MGA: variants seen among roughly 807,000 people sequenced by gnomAD.
MGA encodes MAX gene-associated protein.
A neutral mutation model predicts 261.1 loss-of-function variants in MGA; 40 were observed. The ratio of observed to expected loss-of-function variants is 0.15; its 90% confidence interval spans 0.12 to 0.20. MGA has a LOEUF of 0.20. MGA is among the 10% of genes least tolerant of loss of function. The pLI is 1.00. For synonymous variants in MGA, 1,302 were observed against 1,290.6 expected, an observed-to-expected ratio of 1.01 and a Z score of -0.19; for missense variants, 3,397 against 3,630.5, an observed-to-expected ratio of 0.94 and a Z score of 1.65.
At chr15:41,727,990 T>C (rs1429145068) in intron 10 of MGA, among the ~76,000 whole-genome samples, 1 of 152,204 alleles carries the variant, frequency 6.6e-6, no homozygotes, top group African/African-American at 2.4e-5. Flanking sequence ...ATGTTCTTTG[T>C]AGCAGAGCTA....
intron 11 of MGA, 111 bp from the exon 12 acceptor site, chr15:41,734,411 G>A (rs975256324): frequency 1.2e-6 from 1 of 826,316 alleles, no homozygotes; most frequent in Non-Finnish European, 1.9e-6. Flanking sequence ...TGACATTTCA[G>A]TCATTCTAAT....
At chr15:41,622,896 T>C (rs568322456) in intron 1 of MGA, among the ~76,000 whole-genome samples, 1 of 152,372 alleles carries the variant, frequency 6.6e-6, no homozygotes, top group African/African-American at 2.4e-5. Context: ...TTTTGATTTA[T>C]CTTAAAAAGA....
intron 9 of MGA, among the ~76,000 whole-genome samples, chr15:41,719,831 TA>T (rs575993846): frequency 9.8e-4 from 150 of 152,320 alleles, no homozygotes; most frequent in Non-Finnish European, 9.6e-4. Flanking sequence ...TATTAGTGAT[TA>T]GGGGTAGAAA....
chr15:41,718,576 GCTT>G (rs1161406295), intron 9 of MGA: 1 of 377,552 alleles, frequency 2.6e-6, no homozygotes, highest in Non-Finnish European at 5.1e-6. Context: ...TTCTGCAACT[GCTT>G]CTCGAAGTGA....
chr15:41,633,074 C>G (rs977719548), intron 1 of MGA, among the ~76,000 whole-genome samples: 1 of 151,784 alleles, frequency 6.6e-6, no homozygotes, highest in Non-Finnish European at 1.5e-5. Flanking sequence ...GCCTCAGCCT[C>G]CCGAGTAGCT....
At chr15:41,698,258 T>G (rs2059648626) in intron 3 of MGA, among the ~76,000 whole-genome samples, 1 of 150,542 alleles carries the variant, frequency 6.6e-6, no homozygotes, top group Non-Finnish European at 1.5e-5. Context: ...AACCTCTGTT[T>G]CCCGGGTTCA....
At position 41,715,370 on chromosome 15, in the gene MGA, G is replaced by A. The variant is rs557972313; in HGVS notation, c.3430+1874G>A. Among the ~76,000 whole-genome samples the A allele has an allele frequency of 2.2e-4, 33 of 151,802 alleles. No individual in the cohort carries two copies. In the East Asian group the frequency reaches 3.5e-3, roughly 16 times the overall value. ...TCACCATATTGGCCAGGCTGGTCTC[G>A]AACACCTGACTTTATGATCGGCCCA... On this transcript the variant is annotated intron_variant, in intron 9 of 23. Coordinates refer to ENST00000219905, the MANE Select transcript of MGA (RefSeq NM_001164273.2).
upstream of MGA, among the ~76,000 whole-genome samples, chr15:41,659,135 G>C (rs1373851503): frequency 6.6e-6 from 1 of 152,180 alleles, no homozygotes; most frequent in African/African-American, 2.4e-5. Flanking sequence ...GACCGTGCCT[G>C]ACTTGGGGTT....
intron 2 of MGA, among the ~76,000 whole-genome samples, chr15:41,672,364 A>G (rs796774308): frequency 6.6e-6 from 1 of 152,194 alleles, no homozygotes; most frequent in African/African-American, 2.4e-5. Context: ...CATGTTGCCC[A>G]GGCTGGTCTC....
At chr15:41,636,881 C>T (rs1349143533) in intron 1 of MGA, among the ~76,000 whole-genome samples, 1 of 152,062 alleles carries the variant, frequency 6.6e-6, no homozygotes, top group Non-Finnish European at 1.5e-5. Context: ...ATTTGAGCAT[C>T]CATGGATTTT....
At position 41,698,892 on chromosome 15, in the gene MGA, G is replaced by A; in HGVS notation, c.2043G>A (p.Gly681=). 1.3e-6 allele frequency: 2 copies of A among 1,549,104 alleles called. No homozygotes were observed. Among genetic ancestry groups the A allele is most frequent in the Non-Finnish European group, 1.7e-6 (2 of 1,146,586 alleles). Residue 681 remains glycine, a synonymous_variant, in exon 4 of 24, where the codon GGG becomes GGA. Coordinates refer to ENST00000219905, the MANE Select transcript of MGA (RefSeq NM_001164273.2). ...CTCTAGACATTCATGCAGTTGATGG[G>A]ACAACAGAAGAATCTTCTAGTCTCC... is the stretch of plus-strand genomic sequence containing the variant.
At chr15:41,628,543 G>A (rs2056513799) in intron 1 of MGA, among the ~76,000 whole-genome samples, 1 of 152,042 alleles carries the variant, frequency 6.6e-6, no homozygotes, top group Non-Finnish European at 1.5e-5. Context: ...GTGGAGAATT[G>A]GAAGTGGTGG....
chr15:41,722,452 G>C (rs143899018), intron 9 of MGA, among the ~76,000 whole-genome samples: 254 of 152,156 alleles, frequency 1.7e-3, no homozygotes, highest in African/African-American at 5.8e-3. Context: ...ATTAAGGTAT[G>C]ATATTTAGGT....
At chr15:41,636,013 C>T (rs969046070) in intron 1 of MGA, among the ~76,000 whole-genome samples, 1 of 152,184 alleles carries the variant, frequency 6.6e-6, no homozygotes, top group South Asian at 2.1e-4. Flanking sequence ...CAATAACATA[C>T]AGTACATAAT....
intron 2 of MGA, among the ~76,000 whole-genome samples, chr15:41,670,931 A>C (rs1185631292): frequency 6.6e-6 from 1 of 152,230 alleles, no homozygotes; most frequent in African/African-American, 2.4e-5. Flanking sequence ...CTCTGAATCC[A>C]TTTTGTGCCT....
intron 1 of MGA, among the ~76,000 whole-genome samples, chr15:41,629,123 AAAAG>A (rs1284779344): frequency 2.0e-5 from 3 of 151,930 alleles, no homozygotes; most frequent in South Asian, 2.1e-4. Context: ...AAAAAAAAAA[AAAAG>A]AAGCCATTGG....
At chr15:41,747,566 C>CAAAA (rs1203197778) in intron 15 of MGA, among the ~76,000 whole-genome samples, 1 of 117,746 alleles carries the variant, frequency 8.5e-6, no homozygotes, top group Non-Finnish European at 1.8e-5. Context: ...TCCATCTCCA[C>CAAAA]AAAAAAAAAA....
chr15:41,758,193 T>C (rs1871220043), intron 19 of MGA, among the ~76,000 whole-genome samples: 1 of 152,156 alleles, frequency 6.6e-6, no homozygotes, highest in Non-Finnish European at 1.5e-5. Flanking sequence ...TAAAAAACTA[T>C]GCTCTGCAAA....
chr15:41,633,834 A>G (rs540659088), intron 1 of MGA, among the ~76,000 whole-genome samples: 9 of 152,242 alleles, frequency 5.9e-5, no homozygotes, highest in East Asian at 5.8e-4. Context: ...GTGACTTCCT[A>G]TTTCTGGCAA....
Sources: gnomAD v4.1 joint callset for allele counts (sites outside exome capture counted in the v4.1 genomes callset) on GRCh38, gnomAD v4.1.1 for gene constraint, MANE v1.5 for transcripts, NCBI Gene and HGNC (gene_info 2026-07-23, HGNC 2026-07-21) for gene names.